PRKCE: variants seen among roughly 807,000 people sequenced by gnomAD.
The protein encoded by PRKCE is protein kinase C epsilon type.
PRKCE carries 16 observed loss-of-function variants against 85.4 expected under a neutral mutation model. The ratio of observed to expected loss-of-function variants is 0.19; its 90% CI spans 0.13 to 0.28. The LOEUF (loss-of-function observed/expected upper bound fraction) is 0.28. Ranked by LOEUF, PRKCE falls within the 10% of genes least tolerant of loss-of-function variation. PRKCE has a pLI of 1.00. For missense variants in PRKCE, 573 were observed against 975.2 expected (o/e 0.59, Z 5.49); for synonymous variants, 388 against 371.5 (o/e 1.04, Z -0.51).
chr2:45,666,821 A>G (rs1380508167), intron 1 of PRKCE, among the ~76,000 whole-genome samples: 1 of 152,116 alleles, frequency 6.6e-6, no homozygotes, highest in Admixed American at 6.5e-5. Context: ...CACACATAAC[A>G]GATGCTTGAT....
intron 2 of PRKCE, among the ~76,000 whole-genome samples, chr2:45,950,906 A>G (rs571161577): frequency 6.6e-6 from 1 of 152,288 alleles, no homozygotes; most frequent in East Asian, 1.9e-4. Context: ...TCCTGGAACT[A>G]TCAGCCTCAT....
intron 13 of PRKCE, 91 bp downstream of exon 13, chr2:46,151,320 C>T: frequency 1.7e-6 from 2 of 1,149,568 alleles, no homozygotes; most frequent in Non-Finnish European, 1.2e-6. Context: ...CACACACACA[C>T]ACACTCCCTT....
chr2:45,807,410 C>G (rs1039082666), intron 1 of PRKCE, among the ~76,000 whole-genome samples: 1 of 152,190 alleles, frequency 6.6e-6, no homozygotes, highest in African/African-American at 2.4e-5. Context: ...TCTCAAAAGG[C>G]GATGTGTTTC....
intron 2 of PRKCE, among the ~76,000 whole-genome samples, chr2:45,919,553 C>T (rs1698096212): frequency 6.6e-6 from 1 of 152,220 alleles, no homozygotes; most frequent in Non-Finnish European, 1.5e-5. Context: ...CAAGGGAGGG[C>T]CACGGCACAT....
intron 2 of PRKCE, among the ~76,000 whole-genome samples, chr2:45,868,967 A>AG (rs1056199491): frequency 1.6e-4 from 24 of 151,404 alleles, no homozygotes; most frequent in Admixed American, 1.1e-3. Flanking sequence ...CAAAAAAAAA[A>AG]AAAAAAGAAA....
chr2:46,007,802 C>A (rs1444442891), intron 9 of PRKCE, 141 bp downstream of exon 9: 14 of 914,792 alleles, frequency 1.5e-5, no homozygotes, highest in Non-Finnish European at 2.3e-5. Flanking sequence ...TGCAAATGAC[C>A]TGAGGCCAAG....
chr2:45,778,284 G>A (rs1475236880), intron 1 of PRKCE, among the ~76,000 whole-genome samples: 1 of 152,168 alleles, frequency 6.6e-6, no homozygotes, highest in African/African-American at 2.4e-5. Context: ...ATTGCTTTGG[G>A]AAGTTGGAAT....
At chr2:45,842,349 C>A (rs61763780) in intron 1 of PRKCE, among the ~76,000 whole-genome samples, 75,906 of 151,940 alleles carry the variant, frequency 0.5, 19,227 homozygotes, top group Middle Eastern at 0.61. Flanking sequence ...CTTCTCTGTC[C>A]TTCATCATTA....
intron 6 of PRKCE, among the ~76,000 whole-genome samples, chr2:45,985,220 A>G (rs1374870139): frequency 6.6e-6 from 1 of 152,162 alleles, no homozygotes; most frequent in East Asian, 1.9e-4. Flanking sequence ...CAACTTGCTC[A>G]CATCACACAA....
chr2:46,121,952 C>CT (rs1482895291), intron 11 of PRKCE, among the ~76,000 whole-genome samples: 1 of 152,128 alleles, frequency 6.6e-6, no homozygotes, highest in East Asian at 1.9e-4. Context: ...GTATTCTTCT[C>CT]TTTTTTTCAC....
At chr2:45,700,250 C>G (rs945390827) in intron 1 of PRKCE, among the ~76,000 whole-genome samples, 1 of 151,664 alleles carries the variant, frequency 6.6e-6, no homozygotes, top group Non-Finnish European at 1.5e-5. Flanking sequence ...TTGCAGCACT[C>G]GAAGTCTGAT....
chr2:46,092,050 G>A (rs748374914), intron 11 of PRKCE, among the ~76,000 whole-genome samples: 1 of 152,168 alleles, frequency 6.6e-6, no homozygotes, highest in Non-Finnish European at 1.5e-5. Context: ...ACAGTTTCTA[G>A]AGAACTTTCT....
chr2:45,997,137 G>A (rs1317565787), intron 6 of PRKCE, among the ~76,000 whole-genome samples: 1 of 152,096 alleles, frequency 6.6e-6, no homozygotes, highest in East Asian at 1.9e-4. Context: ...TTCTTTTAAT[G>A]CCCATAGGAT....
intron 11 of PRKCE, among the ~76,000 whole-genome samples, chr2:46,095,934 G>A (rs749117772): frequency 6.6e-6 from 1 of 152,164 alleles, no homozygotes; most frequent in Non-Finnish European, 1.5e-5. Context: ...GTTACTTATT[G>A]AGTCATCACA....
At chr2:45,752,903 T>G (rs1231007051) in intron 1 of PRKCE, among the ~76,000 whole-genome samples, 1 of 152,104 alleles carries the variant, frequency 6.6e-6, no homozygotes, top group Non-Finnish European at 1.5e-5. Flanking sequence ...TTTGCATCCT[T>G]TGAACTACAG....
At position 46,066,105 on chromosome 2, in the gene PRKCE, G is replaced by C. The variant is rs559196481; in HGVS notation, c.1438-20103G>C. Among the ~76,000 whole-genome samples the C allele has an allele frequency of 9.2e-5, 14 of 152,346 alleles. No individual in the cohort carries two copies. In the South Asian group the frequency reaches 2.9e-3, roughly 32 times the overall value. ...GGCATCTCCCATGACAGAGTGTGGA[G>C]CAGCAGGCTGTGACCTAGAGGAAAG... On this transcript the variant is annotated intron_variant, in intron 10 of 14. Coordinates refer to ENST00000306156, the MANE Select transcript of PRKCE (RefSeq NM_005400.3).
chr2:45,746,007 G>A (rs904094228), intron 1 of PRKCE, among the ~76,000 whole-genome samples: 3 of 151,982 alleles, frequency 2.0e-5, no homozygotes, highest in African/African-American at 7.3e-5. Context: ...ATTATCACAC[G>A]CCTACAAGTG....
chr2:46,057,986 C>T (rs1666756802), intron 10 of PRKCE, among the ~76,000 whole-genome samples: 3 of 152,236 alleles, frequency 2.0e-5, no homozygotes, highest in Admixed American at 2.0e-4. Context: ...AGAATGCGAA[C>T]CTTGGTCAGA....
intron 2 of PRKCE, among the ~76,000 whole-genome samples, chr2:45,862,473 T>A (rs897155188): frequency 6.6e-6 from 1 of 152,120 alleles, no homozygotes; most frequent in South Asian, 2.1e-4. Flanking sequence ...TGGTGTCAGC[T>A]CCTCTAACCA....
Sources: gnomAD v4.1 joint callset for allele counts (sites outside exome capture counted in the v4.1 genomes callset) on GRCh38, gnomAD v4.1.1 for gene constraint, MANE v1.5 for transcripts, NCBI Gene and HGNC (gene_info 2026-07-23, HGNC 2026-07-21) for gene names.